The following RALGAPA2 variants were observed in gnomAD, a reference collection of about 807,000 sequenced individuals.
RALGAPA2 encodes ral GTPase-activating protein subunit alpha-2.
Under a neutral mutation model 230.4 loss-of-function variants are expected in RALGAPA2, and 139 were observed. That is an observed-to-expected ratio of 0.60 (90% CI 0.53 to 0.69). The LOEUF is 0.69. RALGAPA2 is among the 30% of genes least tolerant of loss of function. RALGAPA2 has a pLI of 0.00. For missense variants in RALGAPA2, 2,163 were observed against 2,276.0 expected, an observed-to-expected ratio of 0.95 and a Z score of 1.01; for synonymous variants, 847 against 837.8, an observed-to-expected ratio of 1.01 and a Z score of -0.19.
chr20:20,542,534 A>C (rs2063674146), intron 24 of RALGAPA2, among the ~76,000 whole-genome samples: 1 of 152,184 alleles, frequency 6.6e-6, no homozygotes, highest in East Asian at 1.9e-4. Flanking sequence ...AGTAACCAAA[A>C]CAGCATGGTA....
intron 24 of RALGAPA2, among the ~76,000 whole-genome samples, chr20:20,545,750 G>C (rs1441211482): frequency 1.3e-5 from 2 of 152,182 alleles, no homozygotes; most frequent in African/African-American, 4.8e-5. Context: ...ATGTATAACA[G>C]TATTCTCTCA....
rs138552817 is a variant in RALGAPA2 at position 20,522,006 on chromosome 20, T to C, written c.3901-906A>G. 1.2e-4 allele frequency among the ~76,000 whole-genome samples: 19 copies of C among 152,358 alleles called. No individual in the cohort carries two copies. The East Asian group carries it at 3.5e-3, about 28-fold the overall frequency. ...CCTCTTCCTAGCAAAAAATGCAGTATAGGAAAATCCTTATGGCAGCTCTCT... is the reference window on the plus strand; with the variant it reads ...CCTCTTCCTAGCAAAAAATGCAGTACAGGAAAATCCTTATGGCAGCTCTCT... On this transcript the variant is annotated intron_variant, in intron 30 of 39. Coordinates refer to ENST00000202677, the MANE Select transcript of RALGAPA2 (RefSeq NM_020343.4).
intron 27 of RALGAPA2, among the ~76,000 whole-genome samples, chr20:20,531,113 G>A (rs2063355579): frequency 6.6e-6 from 1 of 152,030 alleles, no homozygotes; most frequent in East Asian, 1.9e-4. Flanking sequence ...AATTTCTCTG[G>A]GCCTTGATTT....
rs925723576 is a variant in RALGAPA2 at position 20,658,028 on chromosome 20, G to A, written c.271-4441C>T. ...ACAGCAAGACGATGTGTATCTACAT[G>A]CTTAGATACTGTCAGTCTGCCACAA... On this transcript the variant is annotated intron_variant, in intron 3 of 39. Coordinates refer to ENST00000202677, the MANE Select transcript of RALGAPA2 (RefSeq NM_020343.4). Among the ~76,000 whole-genome samples, 4 of 152,166 alleles carry A rather than the reference G, an allele frequency of 2.6e-5. No individual in the cohort carries two copies. In the East Asian group the frequency reaches 7.7e-4, roughly 29 times the overall value.
intron 1 of RALGAPA2, among the ~76,000 whole-genome samples, chr20:20,691,240 T>G (rs1235729752): frequency 6.6e-6 from 1 of 152,174 alleles, no homozygotes; most frequent in Non-Finnish European, 1.5e-5. Flanking sequence ...CCCACCACCT[T>G]GTCACTATCT....
In RALGAPA2 at chr20:20,513,294, G is replaced by A; in HGVS notation, c.4085-10C>T. 1 of 1,436,386 alleles carries A rather than the reference G, an allele frequency of 7.0e-7. No individual in the cohort carries two copies. The highest frequency in any genetic ancestry group is 9.1e-7 in the Non-Finnish European group (1 of 1,094,600). 89.0% of individuals were successfully genotyped at this position (1,436,386 alleles called of 1,614,324 possible). On this transcript the variant is annotated splice_polypyrimidine_tract_variant and intron_variant, in intron 31 of 39. Transcript: ENST00000202677. The stretch of plus-strand genomic sequence containing the variant: ...CTTCTTCTCTTCTTCTCTGTAAACA[G>A]CGGTAAAGAAACATAAAGAGTCAGT...
intron 37 of RALGAPA2, among the ~76,000 whole-genome samples, chr20:20,418,147 G>A (rs2060203873): frequency 6.6e-6 from 1 of 152,200 alleles, no homozygotes. Context: ...AGGGGTAGGT[G>A]CCAGAATATA....
intron 33 of RALGAPA2, among the ~76,000 whole-genome samples, chr20:20,506,027 C>T (rs1602579496): frequency 6.6e-6 from 1 of 152,174 alleles, no homozygotes; most frequent in African/African-American, 2.4e-5. Flanking sequence ...GTGATTGGAA[C>T]TATAAAATAT....
At chr20:20,620,779 T>C in intron 10 of RALGAPA2, 149 bp from the exon 11 acceptor site, 1 of 602,336 alleles carries the variant, frequency 1.7e-6, no homozygotes, top group Non-Finnish European at 2.6e-6. Context: ...CACAAATCTT[T>C]GTGCACACCA....
chr20:20,431,811 C>G (rs539660308), intron 37 of RALGAPA2, among the ~76,000 whole-genome samples: 1 of 152,074 alleles, frequency 6.6e-6, no homozygotes, highest in Non-Finnish European at 1.5e-5. Context: ...TAAATATATG[C>G]AATTATTATC....
chr20:20,436,692 G>A (rs2060622465), intron 37 of RALGAPA2, among the ~76,000 whole-genome samples: 1 of 152,220 alleles, frequency 6.6e-6, no homozygotes, highest in Non-Finnish European at 1.5e-5. Flanking sequence ...CTGCCATAAG[G>A]TTGGAGGCCG....
intron 23 of RALGAPA2, among the ~76,000 whole-genome samples, chr20:20,566,259 C>G (rs546580203): frequency 2.2e-4 from 33 of 152,180 alleles, no homozygotes; most frequent in Non-Finnish European, 4.7e-4. Flanking sequence ...GTTCAGCTTT[C>G]TAGCTTTCCT....
At chr20:20,700,799 A>G (rs1300741372) in intron 1 of RALGAPA2, among the ~76,000 whole-genome samples, 2 of 152,242 alleles carry the variant, frequency 1.3e-5, no homozygotes, top group African/African-American at 4.8e-5. Context: ...AAAGGAGATT[A>G]GAGAATTCAT....
intron 36 of RALGAPA2, among the ~76,000 whole-genome samples, chr20:20,485,881 T>C (rs1284458637): frequency 3.9e-5 from 6 of 152,238 alleles, no homozygotes; most frequent in African/African-American, 1.4e-4. Context: ...GGCTCATGCC[T>C]GTAATCCCAG....
At chr20:20,565,743 C>T (rs1175868699) in intron 23 of RALGAPA2, among the ~76,000 whole-genome samples, 1 of 152,054 alleles carries the variant, frequency 6.6e-6, no homozygotes, top group African/African-American at 2.4e-5. Flanking sequence ...AAATAAGTGG[C>T]TAAAATTTTA....
chr20:20,530,621 G>A (rs572844895), intron 27 of RALGAPA2, among the ~76,000 whole-genome samples: 34 of 152,206 alleles, frequency 2.2e-4, no homozygotes, highest in African/African-American at 6.0e-4. Flanking sequence ...GCCTGATGGC[G>A]ACAGTCCCAG....
intron 37 of RALGAPA2, among the ~76,000 whole-genome samples, chr20:20,454,353 G>A (rs2061059820): frequency 6.6e-6 from 1 of 152,186 alleles, no homozygotes; most frequent in African/African-American, 2.4e-5. Context: ...CTGACCGGCA[G>A]GCAGCTGCTG....
intron 27 of RALGAPA2, among the ~76,000 whole-genome samples, chr20:20,529,680 G>C (rs2063318806): frequency 6.6e-6 from 1 of 152,124 alleles, no homozygotes; most frequent in African/African-American, 2.4e-5. Flanking sequence ...TGCTGTATAG[G>C]TTTATAACCT....
At chr20:20,511,453 T>C in intron 32 of RALGAPA2, 128 bp from the exon 33 acceptor site, 10 of 1,377,190 alleles carry the variant, frequency 7.3e-6, no homozygotes, top group Non-Finnish European at 9.5e-6. Context: ...AGATTTGTGA[T>C]AGAAACCTAC....
Sources: allele counts gnomAD v4.1 joint callset (sites outside exome capture counted in the v4.1 genomes callset), GRCh38; gene constraint gnomAD v4.1.1; transcripts MANE v1.5; gene names NCBI Gene and HGNC (gene_info 2026-07-23, HGNC 2026-07-21).